Variants in KIAA1549L observed in about 807,000 individuals in gnomAD.
KIAA1549L encodes the protein KIAA1549 like.
KIAA1549L carries 88 observed loss-of-function variants against 160.7 expected under a neutral mutation model. The ratio of observed to expected loss-of-function variants is 0.55; its 90% CI spans 0.46 to 0.65. The LOEUF (loss-of-function observed/expected upper bound fraction) is 0.65, where lower values mean the gene tolerates loss of function less well. Ranked by LOEUF, KIAA1549L falls within the 30% of genes least tolerant of loss-of-function variation. The probability of loss-of-function intolerance (pLI) is 0.00; values close to 1 mark genes in which losing one functional copy is unlikely to be tolerated. For synonymous variants in KIAA1549L, 950 were observed against 976.7 expected, an observed-to-expected ratio of 0.97 and a Z score of 0.51; for missense variants, 2,258 against 2,437.5, an observed-to-expected ratio of 0.93 and a Z score of 1.55.
intron 1 of KIAA1549L, among the ~76,000 whole-genome samples, chr11:33,435,792 A>ATGTGTGTGTGTGTG (rs1433325636): frequency 6.1e-4 from 8 of 13,048 alleles, no homozygotes; most frequent in East Asian, 6.0e-3. Flanking sequence ...ATATATATAT[A>ATGTGTGTGTGTGTG]TATATATATA....
rs1262317750 is a variant in KIAA1549L at position 33,672,538 on chromosome 11, G to A, written c.*4384G>A. 1 of 153,698 alleles carries A rather than the reference G, an allele frequency of 6.5e-6. No individual in the cohort carries two copies. The highest frequency in any genetic ancestry group is 1.5e-5 in the Non-Finnish European group (1 of 68,114). The allele number at this position is 153,698 out of a possible 1,614,324, so 9.5% of individuals were successfully genotyped here. On this transcript the variant is annotated 3_prime_UTR_variant, in exon 21 of 21. Transcript: ENST00000658780. ...GGTACCCAGAAGAAGGAGCATGAGT[G>A]GGCAAGACCTTCAAAAAGAACCTAC...
intron 10 of KIAA1549L, among the ~76,000 whole-genome samples, chr11:33,579,687 A>G (rs1347134495): frequency 6.6e-6 from 1 of 152,174 alleles, no homozygotes; most frequent in Non-Finnish European, 1.5e-5. Context: ...AGAGAGAATC[A>G]AGGTAACGCT....
chr11:33,453,822 C>T (rs1590256375), intron 1 of KIAA1549L, among the ~76,000 whole-genome samples: 4 of 152,120 alleles, frequency 2.6e-5, no homozygotes, highest in Non-Finnish European at 5.9e-5. Flanking sequence ...TTAATTATGC[C>T]TGAGCTCTGT....
intron 16 of KIAA1549L, among the ~76,000 whole-genome samples, chr11:33,644,715 G>T (rs1211737771): frequency 2.0e-5 from 3 of 152,246 alleles, no homozygotes; most frequent in East Asian, 1.9e-4. Flanking sequence ...TCTTCTCTGT[G>T]CACCTTTATG....
chr11:33,641,602 A>ATATATG (rs1564936876), intron 16 of KIAA1549L, among the ~76,000 whole-genome samples: 1 of 29,098 alleles, frequency 3.4e-5, no homozygotes, highest in Admixed American at 2.7e-4. Context: ...ATATATATAT[A>ATATATG]TATATATATA....
intron 1 of KIAA1549L, among the ~76,000 whole-genome samples, chr11:33,415,628 G>A (rs1249232074): frequency 1.3e-5 from 2 of 152,024 alleles, no homozygotes; most frequent in Non-Finnish European, 2.9e-5. Context: ...TCCTCTTCTT[G>A]GTCTGTACTG....
intron 16 of KIAA1549L, among the ~76,000 whole-genome samples, chr11:33,632,118 C>T (rs76546235): frequency 0.016 from 2,435 of 152,304 alleles, 82 homozygotes; most frequent in African/African-American, 0.054. Context: ...CCAACTTAAA[C>T]GATCTTAAAA....
At position 33,600,869 on chromosome 11, in the gene KIAA1549L, T is replaced by A. The variant is rs115848385; in HGVS notation, c.4879+1922T>A. Among the ~76,000 whole-genome samples, 975 of 152,270 alleles carry A rather than the reference T, an allele frequency of 6.4e-3. 7 individuals are homozygous for A. Among genetic ancestry groups the A allele is most frequent in the African/African-American group, 0.023 (947 of 41,548 alleles). On this transcript the variant is annotated intron_variant, in intron 13 of 20. Coordinates refer to ENST00000658780, the MANE Select transcript of KIAA1549L (RefSeq NM_012194.3). ...TTATGAATACACATTTGCAAAGTGATGTCTTTTCCCCTTCCCTGCAAATAA... is the reference window on the plus strand; with the variant it reads ...TTATGAATACACATTTGCAAAGTGAAGTCTTTTCCCCTTCCCTGCAAATAA...
intron 1 of KIAA1549L, among the ~76,000 whole-genome samples, chr11:33,388,307 C>G (rs1041210607): frequency 6.6e-6 from 1 of 152,186 alleles, no homozygotes; most frequent in African/African-American, 2.4e-5. Context: ...ATAAAACCAT[C>G]AGATCTTGTG....
chr11:33,470,194 A>G (rs1047587766), intron 1 of KIAA1549L, among the ~76,000 whole-genome samples: 1 of 152,126 alleles, frequency 6.6e-6, no homozygotes, highest in East Asian at 1.9e-4. Flanking sequence ...ATTTTTGTAT[A>G]TGGTGTGAGG....
intron 1 of KIAA1549L, among the ~76,000 whole-genome samples, chr11:33,454,111 A>G (rs1235259991): frequency 6.6e-6 from 1 of 152,196 alleles, no homozygotes; most frequent in Admixed American, 6.5e-5. Flanking sequence ...CCATCTGTAA[A>G]CAGCTGTTAC....
chr11:33,508,344 A>C (rs2133100979), intron 1 of KIAA1549L, among the ~76,000 whole-genome samples: 1 of 152,322 alleles, frequency 6.6e-6, no homozygotes, highest in South Asian at 2.1e-4. Context: ...AAGGGACCTC[A>C]GGCACTGGCC....
At chr11:33,397,708 TCTCACACACACA>T (rs1245395885) in intron 1 of KIAA1549L, among the ~76,000 whole-genome samples, 26 of 98,860 alleles carry the variant, frequency 2.6e-4, no homozygotes, top group African/African-American at 7.6e-4. Context: ...CGAGACTCCA[TCTCACACACACA>T]CACACACACA....
chr11:33,613,710 T>C (rs1401561110), intron 15 of KIAA1549L, among the ~76,000 whole-genome samples: 1 of 152,166 alleles, frequency 6.6e-6, no homozygotes, highest in Admixed American at 6.5e-5. Flanking sequence ...ACATGAGATA[T>C]GGGTGGAGAC....
At chr11:33,398,669 G>T (rs1371598431) in intron 1 of KIAA1549L, among the ~76,000 whole-genome samples, 1 of 152,156 alleles carries the variant, frequency 6.6e-6, no homozygotes, top group East Asian at 1.9e-4. Flanking sequence ...CTAGTTAGAA[G>T]AAGAAAAATC....
chr11:33,542,551 C>A lies in KIAA1549L; in HGVS notation c.988C>A (p.Pro330Thr), dbSNP rs2133174340. 1.2e-6 allele frequency: 2 copies of A among 1,613,974 alleles called. No homozygotes were observed. Among genetic ancestry groups the A allele is most frequent in the African/African-American group, 2.7e-5 (2 of 75,040 alleles). ...SSTKWHSELS[P>T]TEGPHSAGSS... ...AACAAAATGGCATTCCGAGCTGTCC[C>A]CAACAGAGGGTCCCCATTCAGCAGG... Residue 330 changes from proline to threonine, a missense_variant, in exon 2 of 21, where the codon CCA becomes ACA. Transcript: ENST00000658780.
intron 4 of KIAA1549L, among the ~76,000 whole-genome samples, chr11:33,549,444 G>A (rs1854380048): frequency 6.6e-6 from 1 of 152,196 alleles, no homozygotes; most frequent in African/African-American, 2.4e-5. Context: ...TTATTCCTTG[G>A]GGTCATTAGA....
intron 1 of KIAA1549L, among the ~76,000 whole-genome samples, chr11:33,424,908 C>T (rs952510956): frequency 1.1e-4 from 17 of 152,128 alleles, no homozygotes; most frequent in Non-Finnish European, 1.5e-4. Context: ...GCCTTTCTGG[C>T]CTCTGTACAG....
In KIAA1549L at chr11:33,397,058, C is replaced by T. The variant is rs150407454; in HGVS notation, c.238+20169C>T. The stretch of plus-strand genomic sequence containing the variant: ...AAAAGTGAAAACGTTTTAGGTTGGG[C>T]GCGGTAGCTCACGCCTGCAATCCCA... On this transcript the variant is annotated intron_variant, in intron 1 of 20. Coordinates refer to ENST00000658780, the MANE Select transcript of KIAA1549L (RefSeq NM_012194.3). Among the ~76,000 whole-genome samples the T allele has an allele frequency of 4.6e-3, 691 of 151,172 alleles. 1 individual carries two copies. Among genetic ancestry groups the T allele is most frequent in the African/African-American group, 0.016 (661 of 41,144 alleles).
Sources: allele counts gnomAD v4.1 joint callset (sites outside exome capture counted in the v4.1 genomes callset), GRCh38; gene constraint gnomAD v4.1.1; transcripts MANE v1.5; gene names NCBI Gene and HGNC (gene_info 2026-07-23, HGNC 2026-07-21).